The following NECAB1 variants were observed in gnomAD, a reference collection of about 807,000 sequenced individuals.
NECAB1 encodes the protein N-terminal EF-hand calcium-binding protein 1.
In NECAB1, 29 loss-of-function variants were observed where a neutral mutation model predicts 57.5. That is an observed-to-expected ratio of 0.50 (90% CI 0.38 to 0.69). NECAB1 has a LOEUF of 0.69. Among genes scored for constraint, NECAB1 ranks in the 30% least tolerant of loss-of-function variants. The pLI, the probability that NECAB1 is intolerant of heterozygous loss-of-function variation, is 0.00. For missense variants in NECAB1, 372 were observed against 413.8 expected (o/e 0.90, Z 0.88); for synonymous variants, 142 against 147.7 (o/e 0.96, Z 0.28).
chr8:90,867,528 C>G (rs1039587913), intron 3 of NECAB1, among the ~76,000 whole-genome samples: 1 of 151,614 alleles, frequency 6.6e-6, no homozygotes, highest in Non-Finnish European at 1.5e-5. Flanking sequence ...ACCTCAGAAT[C>G]CTTTACATCT....
chr8:90,919,828 T>C (rs565692744), intron 6 of NECAB1, among the ~76,000 whole-genome samples: 192 of 152,316 alleles, frequency 1.3e-3, no homozygotes, highest in Non-Finnish European at 2.2e-3. Context: ...ATCTGCCACC[T>C]GAGAAGAGGC....
chr8:90,935,365 T>G (rs1467666141), intron 9 of NECAB1, among the ~76,000 whole-genome samples: 1 of 152,178 alleles, frequency 6.6e-6, no homozygotes, highest in Non-Finnish European at 1.5e-5. Context: ...TAGTTATGAA[T>G]ACTTTACCCC....
intron 3 of NECAB1, among the ~76,000 whole-genome samples, chr8:90,833,408 C>CT (rs1212293353): frequency 5.3e-5 from 8 of 150,294 alleles, no homozygotes; most frequent in South Asian, 2.1e-4. Context: ...AGCTTAAATT[C>CT]TTTTTTTTTA....
intron 8 of NECAB1, among the ~76,000 whole-genome samples, chr8:90,929,637 G>A (rs1202646757): frequency 6.6e-6 from 1 of 152,126 alleles, no homozygotes; most frequent in Non-Finnish European, 1.5e-5. Context: ...ATAGGGGAGG[G>A]GGAAAAGTCT....
At chr8:90,819,565 T>A (rs1005991631) in intron 2 of NECAB1, among the ~76,000 whole-genome samples, 22 of 151,954 alleles carry the variant, frequency 1.4e-4, no homozygotes, top group Non-Finnish European at 2.9e-4. Context: ...GTATTCCCCC[T>A]CAAAAGGACT....
chr8:90,855,343 T>C (rs1812774737), intron 3 of NECAB1, among the ~76,000 whole-genome samples: 1 of 152,234 alleles, frequency 6.6e-6, no homozygotes, highest in Admixed American at 6.5e-5. Context: ...ACAGGAGGTC[T>C]TCCTGGTCCC....
chr8:90,899,734 C>G (rs1406319465), intron 5 of NECAB1, among the ~76,000 whole-genome samples: 2 of 151,996 alleles, frequency 1.3e-5, no homozygotes, highest in Non-Finnish European at 2.9e-5. Context: ...TTTATTATAC[C>G]TTTGATTCAG....
At chr8:90,953,233 G>A (rs1810955385) in intron 12 of NECAB1, among the ~76,000 whole-genome samples, 1 of 152,200 alleles carries the variant, frequency 6.6e-6, no homozygotes, top group South Asian at 2.1e-4. Context: ...AATTATCAGT[G>A]AGGGGGAAAA....
chr8:90,842,090 C>G (rs1812465222), intron 3 of NECAB1, among the ~76,000 whole-genome samples: 1 of 152,098 alleles, frequency 6.6e-6, no homozygotes, highest in South Asian at 2.1e-4. Context: ...GGATGCTGGG[C>G]TTAATGCCTG....
intron 1 of NECAB1, among the ~76,000 whole-genome samples, chr8:90,800,811 C>A (rs1811746158): frequency 6.6e-6 from 1 of 152,132 alleles, no homozygotes; most frequent in Non-Finnish European, 1.5e-5. Flanking sequence ...TGAGCAGTCA[C>A]CGTGACCAGA....
intron 2 of NECAB1, among the ~76,000 whole-genome samples, chr8:90,817,038 G>T (rs989857850): frequency 1.2e-5 from 1 of 83,264 alleles, no homozygotes; most frequent in African/African-American, 4.7e-5. Flanking sequence ...CAATTTTGTT[G>T]GATCTACACC....
At chr8:90,810,847 G>A (rs1296422510) in intron 2 of NECAB1, among the ~76,000 whole-genome samples, 3 of 152,154 alleles carry the variant, frequency 2.0e-5, no homozygotes, top group African/African-American at 4.8e-5. Flanking sequence ...GGTGGGGTAA[G>A]GGGCATGGTG....
At position 90,909,924 on chromosome 8, in the gene NECAB1, A is replaced by G. The variant is rs1048316836; in HGVS notation, c.358-7568A>G. Among the ~76,000 whole-genome samples, 22 of 152,152 alleles carry G rather than the reference A, an allele frequency of 1.4e-4. No individual in the cohort carries two copies. In the Middle Eastern group the frequency reaches 0.01, roughly 71 times the overall value. On this transcript the variant is annotated intron_variant, in intron 5 of 12. Coordinates refer to ENST00000417640, the MANE Select transcript of NECAB1 (RefSeq NM_022351.5). ...GTTTCTATCCTTCCTTAGAAATTCT[A>G]TTATCAGTATATTGTATATTCTTTG...
intron 5 of NECAB1, among the ~76,000 whole-genome samples, chr8:90,900,797 C>A (rs1203949881): frequency 2.6e-5 from 4 of 152,182 alleles, no homozygotes; most frequent in Non-Finnish European, 5.9e-5. Context: ...CGCTCTTATA[C>A]TCTTTGTCAT....
rs547917416 is a variant in NECAB1, at chr8:90,798,060, A to G, written c.100-3631A>G. On this transcript the variant is annotated intron_variant, in intron 1 of 12. Transcript: ENST00000417640. ...GGGAAGGCTCCAGAGGGGGAACTGT[A>G]TCATACTTCCTCTCTTGCTTCTGAT... Among the ~76,000 whole-genome samples the G allele has an allele frequency of 6.2e-4, 94 of 152,332 alleles. 1 individual carries two copies. The highest frequency in any genetic ancestry group is 2.0e-3 in the African/African-American group (85 of 41,588).
intron 3 of NECAB1, among the ~76,000 whole-genome samples, chr8:90,837,740 C>T (rs1348864802): frequency 6.6e-6 from 1 of 152,220 alleles, no homozygotes; most frequent in Admixed American, 6.5e-5. Flanking sequence ...ACTGGCTTCT[C>T]TCTCTCTCTG....
intron 11 of NECAB1, 138 bp downstream of exon 11, chr8:90,950,022 T>A: frequency 1.9e-6 from 1 of 523,412 alleles, no homozygotes; most frequent in South Asian, 3.3e-5. Context: ...TTACCATGAA[T>A]TCTACACACT....
chr8:90,884,026 A>C (rs1258800478), intron 5 of NECAB1, among the ~76,000 whole-genome samples: 1 of 152,216 alleles, frequency 6.6e-6, no homozygotes, highest in Non-Finnish European at 1.5e-5. Context: ...AAAGGAGATT[A>C]TCATAAGCTA....
intron 5 of NECAB1, among the ~76,000 whole-genome samples, chr8:90,916,654 G>A (rs1809960374): frequency 1.3e-5 from 2 of 152,176 alleles, no homozygotes; most frequent in Admixed American, 6.6e-5. Flanking sequence ...ATCTGAAAGA[G>A]TGGCCCTGTC....
Sources: gnomAD v4.1 joint callset for allele counts (sites outside exome capture counted in the v4.1 genomes callset) on GRCh38, gnomAD v4.1.1 for gene constraint, MANE v1.5 for transcripts, NCBI Gene and HGNC (gene_info 2026-07-23, HGNC 2026-07-21) for gene names.